RABGAP1L: variants seen among roughly 807,000 people sequenced by gnomAD.
The protein encoded by RABGAP1L is rab GTPase-activating protein 1-like.
RABGAP1L carries 63 observed loss-of-function variants against 137.7 expected under a neutral mutation model. That is an observed-to-expected ratio of 0.46 (90% CI 0.37 to 0.56). The LOEUF is 0.56. Ranked by LOEUF, RABGAP1L falls within the 20% of genes least tolerant of loss-of-function variation. RABGAP1L has a pLI of 0.00. For synonymous variants in RABGAP1L, 431 were observed against 433.7 expected, an observed-to-expected ratio of 0.99 and a Z score of 0.08; for missense variants, 1,095 against 1,244.0, an observed-to-expected ratio of 0.88 and a Z score of 1.80.
intron 13 of RABGAP1L, among the ~76,000 whole-genome samples, chr1:174,473,724 C>G (rs749181818): frequency 3.9e-4 from 60 of 152,144 alleles, no homozygotes; most frequent in Admixed American, 3.9e-3. Context: ...TGTTTAGAAT[C>G]CACATATGTA....
intron 13 of RABGAP1L, among the ~76,000 whole-genome samples, chr1:174,614,292 G>T (rs1036848199): frequency 1.7e-4 from 26 of 152,242 alleles, no homozygotes; most frequent in East Asian, 1.5e-3. Flanking sequence ...GTCTGTAAAG[G>T]AGTTTATTTC....
chr1:174,633,003 T>G (rs1165293778), intron 13 of RABGAP1L, among the ~76,000 whole-genome samples: 1 of 152,024 alleles, frequency 6.6e-6, no homozygotes, highest in Non-Finnish European at 1.5e-5. Flanking sequence ...TCTGTTCTGT[T>G]TTTTCCCCAT....
At chr1:174,663,602 A>T (rs907691155) in intron 14 of RABGAP1L, among the ~76,000 whole-genome samples, 1 of 152,210 alleles carries the variant, frequency 6.6e-6, no homozygotes, top group Non-Finnish European at 1.5e-5. Flanking sequence ...ATATATACTC[A>T]CATACACACA....
chr1:174,811,530 C>T (rs1488331278), intron 18 of RABGAP1L, among the ~76,000 whole-genome samples: 3 of 152,130 alleles, frequency 2.0e-5, no homozygotes, highest in Admixed American at 2.0e-4. Context: ...ATTCTTTTCT[C>T]AGAGCTGTAA....
chr1:174,193,291 G>A (rs1217759652), intron 1 of RABGAP1L, among the ~76,000 whole-genome samples: 1 of 152,218 alleles, frequency 6.6e-6, no homozygotes, highest in Non-Finnish European at 1.5e-5. Context: ...CAGCACTTTG[G>A]AATGCCCAGG....
At chr1:174,715,678 C>T (rs543494550) in intron 17 of RABGAP1L, among the ~76,000 whole-genome samples, 1 of 152,316 alleles carries the variant, frequency 6.6e-6, no homozygotes, top group East Asian at 1.9e-4. Context: ...CTTCATGTCC[C>T]TTAGTAAATA....
Position 174,994,577 on chromosome 1 carries a change from A to ATAAC in RABGAP1L, c.*4579_*4582dup, listed in dbSNP as rs1363641486. On this transcript the variant is annotated 3_prime_UTR_variant, in exon 26 of 26. Coordinates refer to ENST00000681986, the MANE Select transcript of RABGAP1L (RefSeq NM_001366446.1). Reference sequence around the variant, plus strand: ...TTTCCATTAAACTGTATAACTTTTAATAACTATATATTATATATGGGATAA... The same window carrying ATAAC: ...TTTCCATTAAACTGTATAACTTTTAATAACTAACTATATATTATATATGGGATAA... 5 of 152,236 alleles carry ATAAC rather than the reference A, an allele frequency of 3.3e-5. No homozygotes were observed. The highest frequency in any genetic ancestry group is 1.2e-4 in the African/African-American group (5 of 41,470). 9.4% of individuals were successfully genotyped at this position (152,236 alleles called of 1,614,324 possible). A position where few individuals can be genotyped will look rare whatever the true frequency, so the allele number is the denominator to read the frequency against.
chr1:174,886,812 C>CT (rs11385190), intron 19 of RABGAP1L, among the ~76,000 whole-genome samples: 74,689 of 149,154 alleles, frequency 0.5, 21,030 homozygotes, highest in African/African-American at 0.79. Context: ...CCATTTAATT[C>CT]TTTTTTTTTT....
intron 13 of RABGAP1L, among the ~76,000 whole-genome samples, chr1:174,568,906 GA>G (rs1433826557): frequency 1.3e-5 from 2 of 152,148 alleles, no homozygotes; most frequent in Non-Finnish European, 2.9e-5. Context: ...ATTAGTAAGA[GA>G]AAAAAATCTG....
chr1:174,229,120 T>C (rs1209620355), intron 3 of RABGAP1L, among the ~76,000 whole-genome samples: 2 of 152,132 alleles, frequency 1.3e-5, no homozygotes, highest in Admixed American at 6.5e-5. Context: ...AAAAATTCCA[T>C]TGGAATACTT....
chr1:174,413,908 G>C (rs1369311270), intron 13 of RABGAP1L, among the ~76,000 whole-genome samples: 1 of 150,652 alleles, frequency 6.6e-6, no homozygotes, highest in Non-Finnish European at 1.5e-5. Flanking sequence ...CACAGTGGTC[G>C]AGCTCCCTGC....
intron 9 of RABGAP1L, among the ~76,000 whole-genome samples, chr1:174,277,751 T>C (rs551598271): frequency 2.0e-5 from 3 of 152,282 alleles, no homozygotes; most frequent in African/African-American, 7.2e-5. Context: ...TAAGATCCAG[T>C]TGAATGTTAT....
chr1:174,435,882 A>G (rs1306073756), intron 13 of RABGAP1L, among the ~76,000 whole-genome samples: 2 of 146,116 alleles, frequency 1.4e-5, no homozygotes, highest in Non-Finnish European at 3.0e-5. Flanking sequence ...TTCGATTCCC[A>G]CCTATGAGTG....
At chr1:174,251,916 A>T (rs72713504) in intron 6 of RABGAP1L, among the ~76,000 whole-genome samples, 34,296 of 144,828 alleles carry the variant, frequency 0.24, 4,398 homozygotes, top group Middle Eastern at 0.28. Context: ...TTTTTTTTGG[A>T]GATAGAGTCT....
intron 11 of RABGAP1L, 133 bp downstream of exon 11, chr1:174,305,260 CA>C: frequency 1.1e-6 from 1 of 904,162 alleles, no homozygotes; most frequent in Non-Finnish European, 1.5e-6. Context: ...CCAAATTCTA[CA>C]AGGTGCAGAA....
At chr1:174,794,480 A>G (rs1653631) in intron 18 of RABGAP1L, among the ~76,000 whole-genome samples, 142,824 of 152,266 alleles carry the variant, frequency 0.94, 67,654 homozygotes, top group East Asian at 1. Context: ...AGGTTCCTTT[A>G]TATGCATTAA....
chr1:174,733,034 C>T (rs372907986), intron 17 of RABGAP1L, among the ~76,000 whole-genome samples: 149 of 151,834 alleles, frequency 9.8e-4, no homozygotes, highest in African/African-American at 3.3e-3. Context: ...ATAAGGAAAT[C>T]GAGGTAGAGA....
At chr1:174,601,773 C>T (rs11802092) in intron 13 of RABGAP1L, among the ~76,000 whole-genome samples, 55,827 of 152,050 alleles carry the variant, frequency 0.37, 13,517 homozygotes, top group African/African-American at 0.69. Flanking sequence ...ACCCAAGTCA[C>T]GTTTTGAATG....
intron 19 of RABGAP1L, among the ~76,000 whole-genome samples, chr1:174,914,944 T>C (rs1660614606): frequency 6.6e-6 from 1 of 152,246 alleles, no homozygotes; most frequent in East Asian, 1.9e-4. Context: ...CTTGGCATAA[T>C]GATTTTGAGG....
Sources: gnomAD v4.1 joint callset for allele counts (sites outside exome capture counted in the v4.1 genomes callset) on GRCh38, gnomAD v4.1.1 for gene constraint, MANE v1.5 for transcripts, NCBI Gene and HGNC (gene_info 2026-07-23, HGNC 2026-07-21) for gene names.